MSRB3: variants seen among roughly 807,000 people sequenced by gnomAD.
MSRB3 encodes methionine sulfoxide reductase B3.
Under a neutral mutation model 21.0 loss-of-function variants are expected in MSRB3, and 13 were observed. That is an observed-to-expected ratio of 0.62 (90% confidence interval 0.40 to 0.98). The LOEUF is 0.98. Among genes scored for constraint, MSRB3 ranks in the 50% least tolerant of loss-of-function variants. MSRB3 has a pLI of 0.00. For missense variants in MSRB3, 199 were observed against 230.3 expected (o/e 0.86, Z 0.88); for synonymous variants, 87 against 88.6 (o/e 0.98, Z 0.10).
At chr12:65,403,610 A>G (rs1235326788) in intron 5 of MSRB3, among the ~76,000 whole-genome samples, 1 of 152,138 alleles carries the variant, frequency 6.6e-6, no homozygotes, top group Non-Finnish European at 1.5e-5. Context: ...TCCAGGGGAC[A>G]GAACAGTTCT....
At chr12:65,377,910 T>C (rs760906612) in intron 5 of MSRB3, among the ~76,000 whole-genome samples, 21 of 152,222 alleles carry the variant, frequency 1.4e-4, no homozygotes, top group Non-Finnish European at 2.2e-4. Context: ...GGTTAACTCA[T>C]AGTTACATGT....
intron 4 of MSRB3, among the ~76,000 whole-genome samples, chr12:65,368,400 C>G (rs1203667399): frequency 6.6e-6 from 1 of 152,190 alleles, no homozygotes; most frequent in African/African-American, 2.4e-5. Flanking sequence ...GACAGCACAT[C>G]AGCAGCATCT....
intron 1 of MSRB3, among the ~76,000 whole-genome samples, chr12:65,282,765 A>G (rs575368029): frequency 6.7e-6 from 1 of 148,816 alleles, no homozygotes; most frequent in South Asian, 2.1e-4. Flanking sequence ...GAGGGACTAT[A>G]TTATTGAGCC....
chr12:65,412,126 C>G (rs1317544547), intron 5 of MSRB3, among the ~76,000 whole-genome samples: 1 of 152,124 alleles, frequency 6.6e-6, no homozygotes, highest in Non-Finnish European at 1.5e-5. Flanking sequence ...TTTTTAATTT[C>G]ATAGTTATTT....
intron 6 of MSRB3, among the ~76,000 whole-genome samples, chr12:65,457,070 C>G (rs910464462): frequency 6.6e-6 from 1 of 151,916 alleles, no homozygotes; most frequent in Non-Finnish European, 1.5e-5. Context: ...TAGTAGTTCC[C>G]ATGCTAGAGC....
At chr12:65,433,415 A>G (rs549903588) in intron 5 of MSRB3, among the ~76,000 whole-genome samples, 1 of 151,798 alleles carries the variant, frequency 6.6e-6, no homozygotes, top group African/African-American at 2.4e-5. Context: ...TTAAAAAAAA[A>G]TTTTTTTAAT....
At chr12:65,364,020 G>C (rs903379232) in intron 4 of MSRB3, among the ~76,000 whole-genome samples, 1 of 152,028 alleles carries the variant, frequency 6.6e-6, no homozygotes, top group African/African-American at 2.4e-5. Context: ...AACAGTTGGA[G>C]ATTCATATGG....
At chr12:65,361,742 A>G (rs1036540325) in intron 4 of MSRB3, among the ~76,000 whole-genome samples, 13 of 152,146 alleles carry the variant, frequency 8.5e-5, no homozygotes, top group African/African-American at 2.7e-4. Context: ...TCATTTTCAC[A>G]TTAAAGTTAA....
At chr12:65,324,613 G>A (rs1048447187) in intron 2 of MSRB3, among the ~76,000 whole-genome samples, 20 of 151,994 alleles carry the variant, frequency 1.3e-4, no homozygotes, top group African/African-American at 4.6e-4. Flanking sequence ...ACTGACCAAC[G>A]GTTTTATTCT....
intron 6 of MSRB3, among the ~76,000 whole-genome samples, chr12:65,456,648 C>T (rs1265819702): frequency 1.3e-5 from 2 of 152,174 alleles, no homozygotes; most frequent in Non-Finnish European, 2.9e-5. Context: ...CTTCTTTTTC[C>T]ACAGCCTTCA....
Position 65,413,663 on chromosome 12 carries a change from A to G in MSRB3, c.293-40065A>G, listed in dbSNP as rs151045837. Among the ~76,000 whole-genome samples the G allele has an allele frequency of 4.5e-4, 68 of 152,340 alleles. 1 individual carries two copies. Among genetic ancestry groups the G allele is most frequent in the Middle Eastern group, 3.4e-3 (1 of 294 alleles). ...TGATGTACGTTAGTAAACAAAACAG[A>G]CAAAAATCTCCTCACTTGTGGATCT... On this transcript the variant is annotated intron_variant, in intron 5 of 6. Transcript: ENST00000308259.
At chr12:65,446,574 C>T (rs1158718417) in intron 5 of MSRB3, among the ~76,000 whole-genome samples, 2 of 151,812 alleles carry the variant, frequency 1.3e-5, no homozygotes, top group Non-Finnish European at 2.9e-5. Context: ...ACTGAGCATA[C>T]ATGTTTGTTT....
intron 2 of MSRB3, among the ~76,000 whole-genome samples, chr12:65,314,014 A>G (rs1874145332): frequency 6.6e-6 from 1 of 152,224 alleles, no homozygotes; most frequent in Non-Finnish European, 1.5e-5. Flanking sequence ...AGTTAAGAAC[A>G]TATGGATTTA....
At chr12:65,430,455 C>T (rs1881823134) in intron 5 of MSRB3, among the ~76,000 whole-genome samples, 1 of 152,118 alleles carries the variant, frequency 6.6e-6, no homozygotes, top group African/African-American at 2.4e-5. Flanking sequence ...TGTATTTTTA[C>T]AGCCTGTTAC....
intron 4 of MSRB3, among the ~76,000 whole-genome samples, chr12:65,331,768 G>T (rs948971115): frequency 6.6e-6 from 1 of 152,246 alleles, no homozygotes. Flanking sequence ...TGTGTGCTCT[G>T]CAGGAGTTGG....
intron 5 of MSRB3, among the ~76,000 whole-genome samples, chr12:65,423,106 G>A (rs1304551627): frequency 6.6e-6 from 1 of 151,884 alleles, no homozygotes; most frequent in African/African-American, 2.4e-5. Context: ...GGGATTACAG[G>A]TGTGTGCCAC....
At chr12:65,432,363 T>A (rs974354907) in intron 5 of MSRB3, among the ~76,000 whole-genome samples, 1 of 152,026 alleles carries the variant, frequency 6.6e-6, no homozygotes, top group African/African-American at 2.4e-5. Flanking sequence ...CACAGGACTG[T>A]TTTGTGGCAA....
At chr12:65,420,133 T>C (rs1881211034) in intron 5 of MSRB3, 3 of 383,322 alleles carry the variant, frequency 7.8e-6, no homozygotes, top group African/African-American at 4.3e-5. Flanking sequence ...TGTGGATATC[T>C]AGTTTTCTCA....
intron 2 of MSRB3, among the ~76,000 whole-genome samples, chr12:65,311,965 G>C (rs1359282750): frequency 6.6e-6 from 1 of 151,652 alleles, no homozygotes; most frequent in Non-Finnish European, 1.5e-5. Flanking sequence ...CTGAGTTATG[G>C]TTCACTCATG....
Sources: gnomAD v4.1 joint callset for allele counts (sites outside exome capture counted in the v4.1 genomes callset) on GRCh38, gnomAD v4.1.1 for gene constraint, MANE v1.5 for transcripts, NCBI Gene and HGNC (gene_info 2026-07-23, HGNC 2026-07-21) for gene names.